The following SUV39H2 variants were observed in gnomAD, a reference collection of about 807,000 sequenced individuals.
The protein encoded by SUV39H2 is SUV39H2 histone lysine methyltransferase.
In SUV39H2, 10 loss-of-function variants were observed where a neutral mutation model predicts 47.5. The observed-to-expected ratio is 0.21, with a 90% CI of 0.13 to 0.36. The LOEUF (loss-of-function observed/expected upper bound fraction) is 0.36. SUV39H2 is among the 10% of genes least tolerant of loss of function. The pLI is 1.00. For missense variants in SUV39H2, 266 were observed against 487.4 expected (o/e 0.55, Z 4.28); for synonymous variants, 159 against 166.8 (o/e 0.95, Z 0.36).
rs143908752 is a variant in SUV39H2, at chr10:14,901,903, A to G, written c.1127-503A>G. On this transcript the variant is annotated intron_variant, in intron 5 of 5. Coordinates refer to ENST00000354919, the MANE Select transcript of SUV39H2 (RefSeq NM_001193424.2). ...TATTCAAAAGATTGAAAATATTTAA[A>G]TCACATACAAATTTATTCTATTCCT... Among the ~76,000 whole-genome samples, 410 of 152,344 alleles carry G rather than the reference A, an allele frequency of 2.7e-3. 2 individuals are homozygous for G. The highest frequency in any genetic ancestry group is 9.2e-3 in the African/African-American group (384 of 41,582).
chr10:14,879,075 C>T (rs1271719182), intron 1 of SUV39H2, 156 bp downstream of exon 1: 2 of 1,301,526 alleles, frequency 1.5e-6, no homozygotes, highest in Admixed American at 4.3e-5. Context: ...GGACGCCTAT[C>T]CTCCCCCAGG....
chr10:14,895,363 A>G (rs2131696063), intron 2 of SUV39H2, among the ~76,000 whole-genome samples: 1 of 152,116 alleles, frequency 6.6e-6, no homozygotes, highest in African/African-American at 2.4e-5. Context: ...TTTTTAGTAG[A>G]CAGGGTTTCG....
chr10:14,901,924 T>C (rs1363446070), intron 5 of SUV39H2, among the ~76,000 whole-genome samples: 1 of 152,240 alleles, frequency 6.6e-6, no homozygotes, highest in Non-Finnish European at 1.5e-5. Context: ...ATTTATTCTA[T>C]TCCTACTTGA....
intron 2 of SUV39H2, among the ~76,000 whole-genome samples, chr10:14,896,231 C>T (rs1192930629): frequency 1.3e-5 from 2 of 152,210 alleles, no homozygotes; most frequent in Non-Finnish European, 2.9e-5. Context: ...GCATGAGCCA[C>T]CGTGCCCAGC....
In SUV39H2 at chr10:14,904,159, G is replaced by T. The variant is rs1433410928; in HGVS notation, c.*1647G>T. 5.3e-5 allele frequency: 8 copies of T among 152,024 alleles called. No homozygotes were observed. Among genetic ancestry groups the T allele is most frequent in the African/African-American group, 1.7e-4 (7 of 41,386 alleles). The allele number at this position is 152,024 out of a possible 1,614,324, so 9.4% of individuals were successfully genotyped here. A position where few individuals can be genotyped will look rare whatever the true frequency, so the allele number is the denominator to read the frequency against. ...GTCTCTACTGAAAATACAAAAATTA[G>T]CCGGGCGTGGTGGCACACGCCTGTA... On this transcript the variant is annotated 3_prime_UTR_variant, in exon 6 of 6. Coordinates refer to ENST00000354919, the MANE Select transcript of SUV39H2 (RefSeq NM_001193424.2).
At chr10:14,901,060 AC>A (rs1833975123) in intron 4 of SUV39H2, 72 bp from the exon 5 acceptor site, 1 of 1,539,754 alleles carries the variant, frequency 6.5e-7, no homozygotes, top group African/African-American at 1.4e-5. Flanking sequence ...AGGAAAGTAA[AC>A]ATTTTATATG....
chr10:14,893,672 C>G (rs1286171587), intron 2 of SUV39H2, among the ~76,000 whole-genome samples: 1 of 152,102 alleles, frequency 6.6e-6, no homozygotes, highest in Admixed American at 6.5e-5. Flanking sequence ...TCAAGTCTAC[C>G]AAGTTGAAAC....
At chr10:14,884,632 A>G (rs1833148296) in intron 2 of SUV39H2, among the ~76,000 whole-genome samples, 1 of 152,080 alleles carries the variant, frequency 6.6e-6, no homozygotes, top group African/African-American at 2.4e-5. Context: ...TAGCTTTTTA[A>G]CCCACCTTAT....
intron 4 of SUV39H2, 107 bp downstream of exon 4, chr10:14,899,792 C>A: frequency 7.6e-7 from 1 of 1,310,046 alleles, no homozygotes; most frequent in Non-Finnish European, 1.0e-6. Flanking sequence ...TTTAACATTT[C>A]CAAAATATGT....
Position 14,899,528 on chromosome 10 carries a change from T to C in SUV39H2, c.850-11T>C. On this transcript the variant is annotated splice_polypyrimidine_tract_variant and intron_variant, in intron 3 of 5. Transcript: ENST00000354919. ...TAGCTACGTAATATACTTACAGTTTTTTCTGTTTAGGTAATCACAAGTGAA... is the reference window on the plus strand; with the variant it reads ...TAGCTACGTAATATACTTACAGTTTCTTCTGTTTAGGTAATCACAAGTGAA... 9 of 1,613,248 alleles carry C rather than the reference T, an allele frequency of 5.6e-6. No homozygotes were observed. Among genetic ancestry groups the C allele is most frequent in the Non-Finnish European group, 6.8e-6 (8 of 1,179,786 alleles).
intron 1 of SUV39H2, among the ~76,000 whole-genome samples, chr10:14,880,717 G>A (rs1833017021): frequency 6.6e-6 from 1 of 152,182 alleles, no homozygotes; most frequent in Non-Finnish European, 1.5e-5. Flanking sequence ...ATTAGTTTCT[G>A]GTTTCTGGAG....
intron 2 of SUV39H2, among the ~76,000 whole-genome samples, chr10:14,890,403 T>C (rs1346679620): frequency 6.6e-6 from 1 of 152,176 alleles, no homozygotes; most frequent in Non-Finnish European, 1.5e-5. Flanking sequence ...ATTCCAGTTA[T>C]TTATTTAGAG....
chr10:14,879,176 T>G, intron 1 of SUV39H2: 1 of 1,126,846 alleles, frequency 8.9e-7, no homozygotes, highest in South Asian at 4.3e-5. Flanking sequence ...GCGTGGCCTC[T>G]CCGCCCGCTC....
At position 14,902,955 on chromosome 10, in the gene SUV39H2, G is replaced by C. The variant is rs1834123023; in HGVS notation, c.*443G>C. 6.6e-6 allele frequency: 1 copy of C among 152,650 alleles called. No individual in the cohort carries two copies. The allele number at this position is 152,650 out of a possible 1,614,324, so 9.5% of individuals were successfully genotyped here. On this transcript the variant is annotated 3_prime_UTR_variant, in exon 6 of 6. Coordinates refer to ENST00000354919, the MANE Select transcript of SUV39H2 (RefSeq NM_001193424.2). Reference sequence around the variant, plus strand: ...TTTTTGCTACTCTATTGTCATTCCTGTTTAATACTCACTGTACTTGTATTT... The same window carrying C: ...TTTTTGCTACTCTATTGTCATTCCTCTTTAATACTCACTGTACTTGTATTT...
At chr10:14,900,504 T>C (rs945472181) in intron 4 of SUV39H2, among the ~76,000 whole-genome samples, 2 of 152,202 alleles carry the variant, frequency 1.3e-5, no homozygotes, top group African/African-American at 4.8e-5. Flanking sequence ...TGATTAAACA[T>C]TGAAGAATTT....
chr10:14,888,925 G>A (rs1361181695), intron 2 of SUV39H2, among the ~76,000 whole-genome samples: 1 of 152,164 alleles, frequency 6.6e-6, no homozygotes, highest in Non-Finnish European at 1.5e-5. Flanking sequence ...CCAACATGGA[G>A]AAACCCTGTC....
chr10:14,893,637 A>AT (rs1473024724), intron 2 of SUV39H2, among the ~76,000 whole-genome samples: 1 of 152,240 alleles, frequency 6.6e-6, no homozygotes, highest in African/African-American at 2.4e-5. Flanking sequence ...GATTTTAAAA[A>AT]TAAAATATGC....
At position 14,896,753 on chromosome 10, in the gene SUV39H2, T is replaced by A. The variant is rs527433082; in HGVS notation, c.178-93T>A. On this transcript the variant is annotated intron_variant, in intron 2 of 5. Transcript: ENST00000354919. ...TGAACTGTTAGTAAGAAAAATGGTATTGGATACCTTACTCTTTAAGATTTT... is the reference window on the plus strand; with the variant it reads ...TGAACTGTTAGTAAGAAAAATGGTAATGGATACCTTACTCTTTAAGATTTT... 1.4e-4 allele frequency: 153 copies of A among 1,079,062 alleles called. No homozygotes were observed. In the African/African-American group the frequency reaches 2.1e-3, roughly 15 times the overall value. 66.8% of individuals were successfully genotyped at this position (1,079,062 alleles called of 1,614,324 possible).
At chr10:14,884,661 G>C (rs1833149434) in intron 2 of SUV39H2, among the ~76,000 whole-genome samples, 1 of 152,088 alleles carries the variant, frequency 6.6e-6, no homozygotes, top group African/African-American at 2.4e-5. Context: ...GTGCCCCTCA[G>C]TGACCTTTTA....
Sources: gnomAD v4.1 joint callset for allele counts (sites outside exome capture counted in the v4.1 genomes callset) on GRCh38, gnomAD v4.1.1 for gene constraint, MANE v1.5 for transcripts, NCBI Gene and HGNC (gene_info 2026-07-23, HGNC 2026-07-21) for gene names.